Variants in MBNL1 observed in about 807,000 individuals in gnomAD.
MBNL1 encodes the protein muscleblind-like protein 1.
MBNL1 carries 8 observed loss-of-function variants against 42.2 expected under a neutral mutation model. The observed-to-expected ratio is 0.19, with a 90% CI of 0.11 to 0.34. The LOEUF is 0.34. MBNL1 is among the 10% of genes least tolerant of loss of function. The pLI is 1.00. For synonymous variants in MBNL1, 169 were observed against 173.9 expected (o/e 0.97, Z 0.22); for missense variants, 309 against 495.3 (o/e 0.62, Z 3.57).
chr3:152,282,801 A>C (rs886751998), intron 1 of MBNL1, among the ~76,000 whole-genome samples: 19 of 152,350 alleles, frequency 1.2e-4, no homozygotes, highest in African/African-American at 4.1e-4. Flanking sequence ...GTAAAGAAAA[A>C]TGCCATTTTA....
chr3:152,349,122 G>T (rs981542424), intron 2 of MBNL1, among the ~76,000 whole-genome samples: 1 of 152,010 alleles, frequency 6.6e-6, no homozygotes, highest in Non-Finnish European at 1.5e-5. Flanking sequence ...TGGCTATCAA[G>T]ACCTCTCCTG....
intron 2 of MBNL1, among the ~76,000 whole-genome samples, chr3:152,314,072 A>G (rs1384785260): frequency 6.6e-6 from 1 of 152,240 alleles, no homozygotes; most frequent in East Asian, 1.9e-4. Flanking sequence ...ATTTTCTCCT[A>G]AAAGACTCAC....
At chr3:152,335,402 C>T (rs562485488) in intron 2 of MBNL1, among the ~76,000 whole-genome samples, 1 of 152,164 alleles carries the variant, frequency 6.6e-6, no homozygotes, top group Non-Finnish European at 1.5e-5. Context: ...ATCTGTGATT[C>T]TGTATATGTT....
At chr3:152,421,093 A>C (rs140747871) in intron 3 of MBNL1, among the ~76,000 whole-genome samples, 233 of 152,334 alleles carry the variant, frequency 1.5e-3, no homozygotes, top group African/African-American at 5.3e-3. Context: ...GGAATGAACA[A>C]AGCCTCCAAG....
chr3:152,460,596 C>G lies in MBNL1; in HGVS notation c.*18+1251C>G, dbSNP rs1478095217. On this transcript the variant is annotated intron_variant, in intron 9 of 9. Coordinates refer to ENST00000324210, the MANE Select transcript of MBNL1 (RefSeq NM_021038.5). ...AACCTGCACAATGTGCACATGTACC[C>G]TAAAACTTAAAGTATAAAAAAAAAA... 2.0e-5 allele frequency among the ~76,000 whole-genome samples: 3 copies of G among 147,626 alleles called. No individual in the cohort carries two copies. In the East Asian group the frequency reaches 6.0e-4, roughly 29 times the overall value.
chr3:152,426,717 A>T (rs1360002957), intron 3 of MBNL1, among the ~76,000 whole-genome samples: 1 of 152,204 alleles, frequency 6.6e-6, no homozygotes, highest in Non-Finnish European at 1.5e-5. Context: ...ATAATTTGTG[A>T]TGGCAGCTAT....
chr3:152,345,917 T>C (rs191915755), intron 2 of MBNL1, among the ~76,000 whole-genome samples: 1 of 152,268 alleles, frequency 6.6e-6, no homozygotes, highest in Admixed American at 6.5e-5. Context: ...AATAAACCAC[T>C]TAGAACAGTG....
intron 2 of MBNL1, 39 bp downstream of exon 2, chr3:152,300,406 TTGAA>T (rs2060219851): frequency 6.6e-7 from 1 of 1,523,088 alleles, no homozygotes; most frequent in Non-Finnish European, 9.1e-7. Context: ...TATTCAATGA[TTGAA>T]TGAGGGGTAT....
chr3:152,425,233 G>C (rs952747746), intron 3 of MBNL1, among the ~76,000 whole-genome samples: 2 of 151,640 alleles, frequency 1.3e-5, no homozygotes, highest in Admixed American at 6.6e-5. Context: ...ACATCAACAA[G>C]TGGGCAAAGG....
chr3:152,301,084 T>A (rs1223082268), intron 2 of MBNL1: 1 of 191,060 alleles, frequency 5.2e-6, no homozygotes, highest in Non-Finnish European at 9.6e-6. Flanking sequence ...GATCATGATT[T>A]TTTTTTATTT....
chr3:152,250,861 G>C (rs2034406774), intron 2 of MBNL1, among the ~76,000 whole-genome samples: 1 of 151,996 alleles, frequency 6.6e-6, no homozygotes, highest in African/African-American at 2.4e-5. Flanking sequence ...GGCCTTTTCT[G>C]CATCTGTTGA....
intron 2 of MBNL1, among the ~76,000 whole-genome samples, chr3:152,308,035 T>C (rs2064167479): frequency 6.6e-6 from 1 of 152,182 alleles, no homozygotes; most frequent in South Asian, 2.1e-4. Flanking sequence ...ATAAACTATA[T>C]AGCTGCCTCC....
intron 4 of MBNL1, among the ~76,000 whole-genome samples, chr3:152,440,157 A>G (rs1263067396): frequency 6.6e-6 from 1 of 152,212 alleles, no homozygotes. Flanking sequence ...TTTAGGCTTC[A>G]AAGAATGCTC....
At position 152,300,069 on chromosome 3, in the gene MBNL1, G is replaced by A; in HGVS notation, c.-125G>A. The A allele has an allele frequency of 1.7e-6, 1 of 574,270 alleles. No homozygotes were observed. Among genetic ancestry groups the A allele is most frequent in the African/African-American group, 1.9e-5 (1 of 51,858 alleles). 35.6% of individuals were successfully genotyped at this position (574,270 alleles called of 1,614,324 possible). A position where few individuals can be genotyped will look rare whatever the true frequency, so the allele number is the denominator to read the frequency against. On this transcript the variant is annotated 5_prime_UTR_variant, in exon 2 of 10. Transcript: ENST00000324210. Reference sequence around the variant, plus strand: ...ATGTACTTTTAAAGCAGGGAGTGGGGAAAAGTATTTTGAGGGGACATTTTC... The same window carrying A: ...ATGTACTTTTAAAGCAGGGAGTGGGAAAAAGTATTTTGAGGGGACATTTTC...
chr3:152,296,206 T>TGCCATGTCACCGTCTGC, intron 1 of MBNL1, among the ~76,000 whole-genome samples: 1 of 152,222 alleles, frequency 6.6e-6, no homozygotes, highest in Admixed American at 6.5e-5. Flanking sequence ...GGCAGGGTCC[T>TGCCATGTCACCGTCTGC]CTTCCTCCTG....
chr3:152,445,921 CTCT>C (rs771386232), intron 5 of MBNL1, among the ~76,000 whole-genome samples: 1 of 152,206 alleles, frequency 6.6e-6, no homozygotes, highest in Non-Finnish European at 1.5e-5. Flanking sequence ...CACATCAAGG[CTCT>C]TCTTTACATA....
chr3:152,369,465 A>C (rs2096567722), intron 2 of MBNL1, among the ~76,000 whole-genome samples: 1 of 151,976 alleles, frequency 6.6e-6, no homozygotes, highest in African/African-American at 2.4e-5. Context: ...TTGGCCTGAA[A>C]TTTTCTTTTT....
At chr3:152,408,911 A>G (rs1327829063) in intron 2 of MBNL1, among the ~76,000 whole-genome samples, 2 of 152,206 alleles carry the variant, frequency 1.3e-5, no homozygotes, top group Non-Finnish European at 2.9e-5. Context: ...CAACAAAAAT[A>G]TATCTAGCCC....
At chr3:152,273,677 TA>T (rs2043205008) in intron 1 of MBNL1, among the ~76,000 whole-genome samples, 2 of 152,102 alleles carry the variant, frequency 1.3e-5, no homozygotes, top group African/African-American at 4.8e-5. Flanking sequence ...TTGGACAGAG[TA>T]GAGAATTGCT....
Sources: gnomAD v4.1 joint callset for allele counts (sites outside exome capture counted in the v4.1 genomes callset) on GRCh38, gnomAD v4.1.1 for gene constraint, MANE v1.5 for transcripts, NCBI Gene and HGNC (gene_info 2026-07-23, HGNC 2026-07-21) for gene names.